AGAP1: variants seen among roughly 807,000 people sequenced by gnomAD.
The protein encoded by AGAP1 is ArfGAP with GTPase domain, ankyrin repeat and PH domain 1, also known as arf-GAP with GTPase, ANK repeat and PH domain-containing protein 1.
In AGAP1, 29 loss-of-function variants were observed where a neutral mutation model predicts 105.3. The observed-to-expected ratio is 0.28, with a 90% confidence interval of 0.21 to 0.38. AGAP1 has a LOEUF of 0.38. Among genes scored for constraint, AGAP1 ranks in the 10% least tolerant of loss-of-function variants. The pLI is 1.00. For synonymous variants in AGAP1, 509 were observed against 485.9 expected, an observed-to-expected ratio of 1.05 and a Z score of -0.63; for missense variants, 998 against 1,165.1, an observed-to-expected ratio of 0.86 and a Z score of 2.09.
At chr2:235,521,029 A>C (rs1172318055) in intron 1 of AGAP1, among the ~76,000 whole-genome samples, 1 of 152,214 alleles carries the variant, frequency 6.6e-6, no homozygotes, top group Non-Finnish European at 1.5e-5. Context: ...TACATTGGTC[A>C]TCTCTCTAGC....
chr2:235,799,230 C>A lies in AGAP1; in HGVS notation c.802-137C>A. On this transcript the variant is annotated intron_variant, in intron 7 of 17. Transcript: ENST00000304032. The surrounding 1 kb of genome is among the most constrained non-coding windows in gnomAD (Gnocchi z 5.0). Reference sequence around the variant, plus strand: ...ATGACACTAATACACCTGGCAAAGCCATAGACGCAAGTCAGCCATTCCCAT... The same window carrying A: ...ATGACACTAATACACCTGGCAAAGCAATAGACGCAAGTCAGCCATTCCCAT... 1 of 940,088 alleles carries A rather than the reference C, an allele frequency of 1.1e-6. No homozygotes were observed. 58.2% of individuals were successfully genotyped at this position (940,088 alleles called of 1,614,324 possible).
chr2:235,703,810 T>G (rs1272099222), intron 1 of AGAP1, among the ~76,000 whole-genome samples: 1 of 152,164 alleles, frequency 6.6e-6, no homozygotes. Context: ...TTGACGAGGC[T>G]AGTCTGGAAC....
rs768582445 is a variant in AGAP1 at position 235,634,641 on chromosome 2, C to T, written c.164-74538C>T. ...GCCTTGTAGGGAATCTGGGGACAGCCGTAAGTTCTTCCTCCACATTCCATT... is the reference window on the plus strand; with the variant it reads ...GCCTTGTAGGGAATCTGGGGACAGCTGTAAGTTCTTCCTCCACATTCCATT... On this transcript the variant is annotated intron_variant, in intron 1 of 17. Coordinates refer to ENST00000304032, the MANE Select transcript of AGAP1 (RefSeq NM_001037131.3). Among the ~76,000 whole-genome samples, 9 of 152,224 alleles carry T rather than the reference C, an allele frequency of 5.9e-5. No homozygotes were observed. The East Asian group carries it at 7.7e-4, about 13-fold the overall frequency.
At position 235,552,052 on chromosome 2, in the gene AGAP1, G is replaced by A. The variant is rs997508054; in HGVS notation, c.163+57203G>A. Among the ~76,000 whole-genome samples the A allele has an allele frequency of 1.3e-5, 2 of 152,218 alleles. No homozygotes were observed. Among genetic ancestry groups the A allele is most frequent in the Non-Finnish European group, 2.9e-5 (2 of 68,040 alleles). ...TGGTCCCTGCCACCTGCTGGAAGGA[G>A]CCTGCAGGGAACTGTTTGTTGTGTG... On this transcript the variant is annotated intron_variant, in intron 1 of 17. Transcript: ENST00000304032. This position sits in a 1 kb window ranked among gnomAD's most constrained non-coding sequence, Gnocchi z 5.9.
At position 235,967,652 on chromosome 2, in the gene AGAP1, GC is replaced by G. The variant is rs1471115670; in HGVS notation, c.1484-808del. ...TCGTGAAATAAAAACTTTTCAAGACGCCGTAGGCATGCACCACCTGTTTTTC... is the reference window on the plus strand; with the variant it reads ...TCGTGAAATAAAAACTTTTCAAGACGCGTAGGCATGCACCACCTGTTTTTC... On this transcript the variant is annotated intron_variant, in intron 12 of 17. Coordinates refer to ENST00000304032, the MANE Select transcript of AGAP1 (RefSeq NM_001037131.3). The surrounding 1 kb of genome is among the most constrained non-coding windows in gnomAD (Gnocchi z 4.7). 6.6e-6 allele frequency among the ~76,000 whole-genome samples: 1 copy of G among 152,200 alleles called. No homozygotes were observed. The highest frequency in any genetic ancestry group is 1.5e-5 in the Non-Finnish European group (1 of 68,036).
At chr2:235,803,070 G>T (rs1368758340) in intron 8 of AGAP1, among the ~76,000 whole-genome samples, 1 of 58,178 alleles carries the variant, frequency 1.7e-5, no homozygotes, top group Non-Finnish European at 3.7e-5. Flanking sequence ...GGTGATAGTT[G>T]TGATGGTGAT....
chr2:235,698,501 C>T (rs1196808218), intron 1 of AGAP1, among the ~76,000 whole-genome samples: 1 of 152,180 alleles, frequency 6.6e-6, no homozygotes, highest in Non-Finnish European at 1.5e-5. Flanking sequence ...TGACTTGTAC[C>T]TTTTCATAAA....
At position 235,631,325 on chromosome 2, in the gene AGAP1, A is replaced by G. The variant is rs1946822889; in HGVS notation, c.164-77854A>G. The stretch of plus-strand genomic sequence containing the variant: ...GGAGAGTTCAACTGAAAAGTCAAGC[A>G]TGGCGCAAGGAAGGACGATGGATTA... On this transcript the variant is annotated intron_variant, in intron 1 of 17. Transcript: ENST00000304032. The surrounding 1 kb of genome is among the most constrained non-coding windows in gnomAD (Gnocchi z 5.4). Among the ~76,000 whole-genome samples, 1 of 152,190 alleles carries G rather than the reference A, an allele frequency of 6.6e-6. No homozygotes were observed. The highest frequency in any genetic ancestry group is 2.4e-5 in the African/African-American group (1 of 41,462).
chr2:235,595,737 G>T (rs142408946), intron 1 of AGAP1, among the ~76,000 whole-genome samples: 5 of 152,164 alleles, frequency 3.3e-5, no homozygotes, highest in Non-Finnish European at 7.3e-5. Flanking sequence ...ATTTATAGCC[G>T]ATGATTGATG....
At chr2:235,604,244 C>T (rs1945839560) in intron 1 of AGAP1, among the ~76,000 whole-genome samples, 1 of 151,958 alleles carries the variant, frequency 6.6e-6, no homozygotes, top group Non-Finnish European at 1.5e-5. Context: ...CTTTGGGAAG[C>T]CAAGGTGGGA....
intron 6 of AGAP1, among the ~76,000 whole-genome samples, chr2:235,776,305 C>G (rs115730957): frequency 0.02 from 2,999 of 152,210 alleles, 110 homozygotes; most frequent in African/African-American, 0.069. Flanking sequence ...CCTCTCTCCC[C>G]CTACCTACTG....
intron 1 of AGAP1, among the ~76,000 whole-genome samples, chr2:235,530,223 C>T (rs749839105): frequency 6.6e-6 from 1 of 152,122 alleles, no homozygotes; most frequent in Admixed American, 6.5e-5. Flanking sequence ...TGAGCTCATT[C>T]GCAGTCTTGG....
rs977854811 is a variant in AGAP1 at position 235,553,087 on chromosome 2, A to G, written c.163+58238A>G. On this transcript the variant is annotated intron_variant, in intron 1 of 17. Coordinates refer to ENST00000304032, the MANE Select transcript of AGAP1 (RefSeq NM_001037131.3). The surrounding 1 kb of genome is among the most constrained non-coding windows in gnomAD (Gnocchi z 4.5). ...TTCATCTGCAAGTAGCATTAATACT[A>G]TAACTGAATATACAGTCAGCTACTC... Among the ~76,000 whole-genome samples, 5 of 152,320 alleles carry G rather than the reference A, an allele frequency of 3.3e-5. No homozygotes were observed. Among genetic ancestry groups the G allele is most frequent in the African/African-American group, 7.2e-5 (3 of 41,576 alleles).
At chr2:235,617,361 G>GC (rs1946341016) in intron 1 of AGAP1, among the ~76,000 whole-genome samples, 1 of 152,142 alleles carries the variant, frequency 6.6e-6, no homozygotes, top group Non-Finnish European at 1.5e-5. Flanking sequence ...AAATCATGAG[G>GC]CCCCAAATCA....
chr2:235,726,210 C>A (rs1301217251), intron 3 of AGAP1, among the ~76,000 whole-genome samples: 1 of 152,114 alleles, frequency 6.6e-6, no homozygotes, highest in African/African-American at 2.4e-5. Context: ...CTGGGAGCGC[C>A]CTAAAGAGGA....
intron 9 of AGAP1, among the ~76,000 whole-genome samples, chr2:235,815,178 G>A (rs904104773): frequency 2.6e-5 from 4 of 152,148 alleles, no homozygotes; most frequent in African/African-American, 2.4e-5. Flanking sequence ...CCCACACAGC[G>A]CATGAGTCCC....
chr2:235,706,346 T>C (rs900682211), intron 1 of AGAP1, among the ~76,000 whole-genome samples: 2 of 152,120 alleles, frequency 1.3e-5, no homozygotes, highest in Non-Finnish European at 2.9e-5. Flanking sequence ...TGCCTCAGGC[T>C]CCCGAGTAAC....
In AGAP1 at chr2:235,976,927, C is replaced by T. The variant is rs2054884780; in HGVS notation, c.1645+8304C>T. On this transcript the variant is annotated intron_variant, in intron 13 of 17. Coordinates refer to ENST00000304032, the MANE Select transcript of AGAP1 (RefSeq NM_001037131.3). The surrounding 1 kb of genome is among the most constrained non-coding windows in gnomAD (Gnocchi z 4.5). ...GGAGCTCCTGGGGGTACCTAGGCAA[C>T]TCCTGACGCCACAGACAAGCATTTG... Among the ~76,000 whole-genome samples the T allele has an allele frequency of 6.6e-6, 1 of 152,220 alleles. No individual in the cohort carries two copies. The highest frequency in any genetic ancestry group is 1.5e-5 in the Non-Finnish European group (1 of 68,034).
At chr2:235,839,579 C>T (rs1960565737) in intron 9 of AGAP1, among the ~76,000 whole-genome samples, 1 of 152,224 alleles carries the variant, frequency 6.6e-6, no homozygotes, top group Non-Finnish European at 1.5e-5. Flanking sequence ...CAGAGCAAGA[C>T]CCCATCTTAA....
Sources: allele counts gnomAD v4.1 joint callset (sites outside exome capture counted in the v4.1 genomes callset), GRCh38; gene constraint gnomAD v4.1.1; non-coding constraint Gnocchi (gnomAD v3.1); transcripts MANE v1.5; gene names NCBI Gene and HGNC (gene_info 2026-07-23, HGNC 2026-07-21).